Variants in C7orf78 observed in about 807,000 individuals in gnomAD.
C7orf78 encodes chromosome 7 open reading frame 78.
the C7orf78 span, among the ~76,000 whole-genome samples, chr7:12,529,905 G>A: frequency 6.6e-6 from 1 of 152,248 alleles, no homozygotes; most frequent in Non-Finnish European, 1.5e-5. Flanking sequence ...CTCAGGGGCA[G>A]TTTTGCAGTC....
At chr7:12,541,984 A>AT in the C7orf78 span, 1 of 152,288 alleles carries the variant, frequency 6.6e-6, no homozygotes, top group Admixed American at 6.5e-5. Flanking sequence ...AATTTTCTAA[A>AT]TTTTTGTTTA....
At chr7:12,510,926 T>G in the C7orf78 span, among the ~76,000 whole-genome samples, 1 of 152,184 alleles carries the variant, frequency 6.6e-6, no homozygotes, top group Non-Finnish European at 1.5e-5. Flanking sequence ...TTTTTGTTAG[T>G]TATGCTTTTG....
the C7orf78 span, chr7:12,504,678 C>T: frequency 1.3e-5 from 2 of 151,884 alleles, no homozygotes; most frequent in Non-Finnish European, 2.9e-5. Context: ...AAGATGAATT[C>T]ACTTATGAGA....
At chr7:12,532,513 C>T in the C7orf78 span, among the ~76,000 whole-genome samples, 1 of 147,666 alleles carries the variant, frequency 6.8e-6, no homozygotes, top group South Asian at 2.1e-4. Flanking sequence ...TGTGCCACTG[C>T]ACACCAGCCC....
the C7orf78 span, among the ~76,000 whole-genome samples, chr7:12,536,246 A>G: frequency 6.6e-6 from 1 of 152,254 alleles, no homozygotes; most frequent in Non-Finnish European, 1.5e-5. Context: ...ATCTAGTCGG[A>G]GGCTCCCAAA....
the C7orf78 span, among the ~76,000 whole-genome samples, chr7:12,497,378 C>T: frequency 3.3e-5 from 5 of 152,204 alleles, no homozygotes; most frequent in Admixed American, 6.5e-5. Flanking sequence ...ACACCGTGCG[C>T]GAGCAGAAGC....
chr7:12,535,308 A>G, the C7orf78 span, among the ~76,000 whole-genome samples: 1 of 152,206 alleles, frequency 6.6e-6, no homozygotes, highest in African/African-American at 2.4e-5. Context: ...GAAGGCAAAA[A>G]GGAGCAAGTC....
At chr7:12,498,243 T>C in the C7orf78 span, among the ~76,000 whole-genome samples, 5 of 152,078 alleles carry the variant, frequency 3.3e-5, no homozygotes, top group African/African-American at 4.8e-5. Context: ...AGAATGACTT[T>C]GACGAGCTGA....
the C7orf78 span, among the ~76,000 whole-genome samples, chr7:12,539,461 C>T: frequency 8.5e-5 from 13 of 152,146 alleles, no homozygotes; most frequent in Middle Eastern, 3.4e-3. Context: ...GAGACTCTGT[C>T]TCAAAAAACA....
the C7orf78 span, among the ~76,000 whole-genome samples, chr7:12,513,452 C>A: frequency 6.6e-6 from 1 of 151,978 alleles, no homozygotes; most frequent in African/African-American, 2.4e-5. Context: ...GTGGTATTTT[C>A]ATTTGCATTT....
chr7:12,531,620 G>C, the C7orf78 span, among the ~76,000 whole-genome samples: 1 of 152,126 alleles, frequency 6.6e-6, no homozygotes, highest in Admixed American at 6.5e-5. Context: ...ATATAGATAT[G>C]GCCTTGCATG....
chr7:12,525,544 C>T, the C7orf78 span, among the ~76,000 whole-genome samples: 4 of 152,084 alleles, frequency 2.6e-5, no homozygotes, highest in Non-Finnish European at 5.9e-5. Context: ...CTTAATTCCA[C>T]ACTGTTTAAG....
the C7orf78 span, among the ~76,000 whole-genome samples, chr7:12,509,192 A>G: frequency 5.9e-5 from 9 of 152,218 alleles, no homozygotes; most frequent in Non-Finnish European, 1.3e-4. Context: ...TTCAATATGT[A>G]GGATATTTAC....
chr7:12,535,386 A>G, the C7orf78 span, among the ~76,000 whole-genome samples: 494 of 152,312 alleles, frequency 3.2e-3, 5 homozygotes, highest in African/African-American at 0.011. Flanking sequence ...TTTAAAAACC[A>G]TCAGATCTCA....
the C7orf78 span, chr7:12,523,060 T>C: frequency 2.5e-6 from 1 of 398,326 alleles, no homozygotes; most frequent in Non-Finnish European, 4.4e-6. Flanking sequence ...GGCTGCAATA[T>C]CCTTCACGAC....
the C7orf78 span, among the ~76,000 whole-genome samples, chr7:12,489,921 C>T: frequency 1.3e-5 from 2 of 151,958 alleles, no homozygotes; most frequent in African/African-American, 4.8e-5. Context: ...CATGGAAGAC[C>T]CTGAGGGGAT....
At chr7:12,514,581 G>T in the C7orf78 span, among the ~76,000 whole-genome samples, 5 of 151,754 alleles carry the variant, frequency 3.3e-5, no homozygotes, top group African/African-American at 1.2e-4. Context: ...CTGTCATATT[G>T]TTCATTGTTT....
the C7orf78 span, among the ~76,000 whole-genome samples, chr7:12,501,966 A>G: frequency 3.6e-5 from 1 of 28,050 alleles, no homozygotes; most frequent in African/African-American, 1.4e-4. Flanking sequence ...AACCTGAGAA[A>G]AACAAGCAAT....
the C7orf78 span, among the ~76,000 whole-genome samples, chr7:12,488,585 T>C: frequency 2.6e-5 from 4 of 152,028 alleles, no homozygotes; most frequent in Non-Finnish European, 5.9e-5. Flanking sequence ...TCAAATCTCA[T>C]TGCAGAATCA....
Sources: allele counts gnomAD v4.1 joint callset (sites outside exome capture counted in the v4.1 genomes callset), GRCh38; gene constraint gnomAD v4.1.1; transcripts MANE v1.5; gene names NCBI Gene and HGNC (gene_info 2026-07-23, HGNC 2026-07-21).